The following TLN2 variants were observed in gnomAD, a reference collection of about 807,000 sequenced individuals.
TLN2 encodes talin 2, also known as talin-2.
A neutral mutation model predicts 294.7 loss-of-function variants in TLN2; 118 were observed. The ratio of observed to expected loss-of-function variants is 0.40; its 90% confidence interval spans 0.34 to 0.47. The LOEUF (loss-of-function observed/expected upper bound fraction) is 0.47. TLN2 is among the 20% of genes least tolerant of loss of function. The pLI is 0.84. For missense variants in TLN2, 3,083 were observed against 3,282.2 expected (o/e 0.94, Z 1.48); for synonymous variants, 1,431 against 1,304.5 (o/e 1.10, Z -2.09).
intron 1 of TLN2, among the ~76,000 whole-genome samples, chr15:62,524,455 A>G (rs913991799): frequency 3.9e-5 from 6 of 152,168 alleles, no homozygotes; most frequent in Admixed American, 3.9e-4. Flanking sequence ...CGTGCTGTAG[A>G]GAGAAGACGC....
intron 1 of TLN2, among the ~76,000 whole-genome samples, chr15:62,397,469 G>T (rs1234393981): frequency 3.3e-5 from 5 of 152,036 alleles, no homozygotes; most frequent in East Asian, 1.9e-4. Flanking sequence ...TCACTGTGTT[G>T]CCCAGAGTGG....
intron 8 of TLN2, among the ~76,000 whole-genome samples, chr15:62,656,536 AT>A (rs1430614179): frequency 6.6e-6 from 1 of 152,198 alleles, no homozygotes; most frequent in African/African-American, 2.4e-5. Context: ...CTGACAAGTC[AT>A]TTAACATATC....
chr15:62,571,030 G>A (rs75128086), intron 1 of TLN2, among the ~76,000 whole-genome samples: 4,381 of 152,188 alleles, frequency 0.029, 218 homozygotes, highest in African/African-American at 0.1. Context: ...TGGTCATAAT[G>A]TGGGTCTCAC....
At position 62,588,417 on chromosome 15, in the gene TLN2, C is replaced by T. The variant is rs549592294; in HGVS notation, c.-237-1270C>T. Among the ~76,000 whole-genome samples, 9 of 151,442 alleles carry T rather than the reference C, an allele frequency of 5.9e-5. No homozygotes were observed. The South Asian group carries it at 1.7e-3, about 28-fold the overall frequency. ...TTGGGAGAACCAGGTGGATGGATCACCTGAGGTCAGGAGTTCGAGACCAGC... is the reference window on the plus strand; with the variant it reads ...TTGGGAGAACCAGGTGGATGGATCATCTGAGGTCAGGAGTTCGAGACCAGC... On this transcript the variant is annotated intron_variant, in intron 1 of 58. Coordinates refer to ENST00000636159, the MANE Select transcript of TLN2 (RefSeq NM_015059.3).
rs185534134 is a variant in TLN2 at position 62,431,832 on chromosome 15, G to T, written c.-238+41147G>T. Among the ~76,000 whole-genome samples the T allele has an allele frequency of 2.3e-3, 353 of 152,306 alleles. 1 individual carries two copies. The highest frequency in any genetic ancestry group is 7.9e-3 in the African/African-American group (328 of 41,554). ...CATGTATATTTAATTCTATGCCTCT[G>T]TGCAGCTTGGTGTAAATATTTTGTG... On this transcript the variant is annotated intron_variant, in intron 1 of 58. Coordinates refer to ENST00000636159, the MANE Select transcript of TLN2 (RefSeq NM_015059.3).
At chr15:62,564,233 G>A (rs2043204747) in intron 1 of TLN2, among the ~76,000 whole-genome samples, 1 of 152,164 alleles carries the variant, frequency 6.6e-6, no homozygotes, top group Non-Finnish European at 1.5e-5. Flanking sequence ...TCAGCCTCAG[G>A]CCTTCAGAGT....
intron 5 of TLN2, 147 bp downstream of exon 5, chr15:62,650,328 G>A (rs2052447897): frequency 1.1e-5 from 8 of 721,486 alleles, no homozygotes; most frequent in Non-Finnish European, 1.8e-5. Context: ...TTCAGGTGGT[G>A]ATAGAAAATG....
intron 41 of TLN2, among the ~76,000 whole-genome samples, chr15:62,769,010 C>T (rs941599942): frequency 6.6e-5 from 10 of 152,314 alleles, no homozygotes; most frequent in African/African-American, 2.4e-4. Flanking sequence ...ATTCTGAAGC[C>T]AGAGCTGAAG....
chr15:62,407,646 A>T (rs995936604), intron 1 of TLN2, among the ~76,000 whole-genome samples: 1 of 152,126 alleles, frequency 6.6e-6, no homozygotes, highest in Non-Finnish European at 1.5e-5. Context: ...GCTGGGCGCA[A>T]TGGCTCATGC....
intron 9 of TLN2, among the ~76,000 whole-genome samples, chr15:62,667,384 A>T (rs6494344): frequency 0.78 from 118,283 of 152,112 alleles, 47,444 homozygotes; most frequent in Admixed American, 0.88. Context: ...TGATTCAACA[A>T]CACAGTTGGA....
At chr15:62,483,485 A>G (rs561755318) in intron 1 of TLN2, among the ~76,000 whole-genome samples, 23 of 152,270 alleles carry the variant, frequency 1.5e-4, no homozygotes, top group South Asian at 1.5e-3. Context: ...GATGTTCTCT[A>G]TCTCTGGATT....
At chr15:62,770,100 G>T (rs956298366) in intron 41 of TLN2, among the ~76,000 whole-genome samples, 6 of 152,188 alleles carry the variant, frequency 3.9e-5, no homozygotes, top group Non-Finnish European at 7.3e-5. Context: ...TGAGAGCCAG[G>T]GCTGTGGGGT....
intron 1 of TLN2, among the ~76,000 whole-genome samples, chr15:62,587,104 G>A (rs1194735979): frequency 6.6e-6 from 1 of 152,136 alleles, no homozygotes; most frequent in Non-Finnish European, 1.5e-5. Flanking sequence ...CAAAGGCAGG[G>A]GTGACATGAC....
At chr15:62,447,349 G>C (rs1465405082) in intron 1 of TLN2, among the ~76,000 whole-genome samples, 2 of 152,088 alleles carry the variant, frequency 1.3e-5, no homozygotes, top group Non-Finnish European at 2.9e-5. Flanking sequence ...TGCACAGTGG[G>C]AGAGGCTGGG....
At chr15:62,761,536 C>T (rs2062671673) in intron 37 of TLN2, 145 bp from the exon 38 acceptor site, 1 of 1,115,338 alleles carries the variant, frequency 9.0e-7, no homozygotes, top group Admixed American at 2.2e-5. Flanking sequence ...TCTCTTTCAT[C>T]AGTTCCTATT....
chr15:62,814,197 A>C (rs2066902917), intron 52 of TLN2, among the ~76,000 whole-genome samples: 1 of 152,252 alleles, frequency 6.6e-6, no homozygotes, highest in Non-Finnish European at 1.5e-5. Flanking sequence ...AGTAGAAGGC[A>C]GGAAAAAAAC....
At position 62,792,605 on chromosome 15, in the gene TLN2, C is replaced by T. The variant is rs184422508; in HGVS notation, c.5737-36C>T. ...AAGGCCTCGATGGCAGAGTCCATCA[C>T]GCTTCTCCTTCCCCATCCTGGGCTT... On this transcript the variant is annotated intron_variant, in intron 45 of 58. Coordinates refer to ENST00000636159, the MANE Select transcript of TLN2 (RefSeq NM_015059.3). The T allele has an allele frequency of 2.1e-5, 34 of 1,606,336 alleles. No homozygotes were observed. The East Asian group carries it at 2.7e-4, about 13-fold the overall frequency.
intron 41 of TLN2, 22 bp from the exon 42 acceptor site, chr15:62,770,942 C>T (rs1187488822): frequency 1.4e-5 from 20 of 1,463,064 alleles, no homozygotes; most frequent in East Asian, 7.2e-5. Context: ...ACATCTCTGG[C>T]TTTTTTTTTT....
chr15:62,444,257 CT>C (rs2035701744), intron 1 of TLN2, among the ~76,000 whole-genome samples: 1 of 152,184 alleles, frequency 6.6e-6, no homozygotes, highest in Admixed American at 6.5e-5. Flanking sequence ...AGAAATGGGC[CT>C]TGGTCTTCAA....
Sources: allele counts gnomAD v4.1 joint callset (sites outside exome capture counted in the v4.1 genomes callset), GRCh38; gene constraint gnomAD v4.1.1; transcripts MANE v1.5; gene names NCBI Gene and HGNC (gene_info 2026-07-23, HGNC 2026-07-21).